PTPN13: variants seen among roughly 807,000 people sequenced by gnomAD.
PTPN13 encodes protein tyrosine phosphatase non-receptor type 13.
In PTPN13, 191 loss-of-function variants were observed where a neutral mutation model predicts 284.0. The observed-to-expected ratio is 0.67, with a 90% CI of 0.60 to 0.76. The LOEUF is 0.76. PTPN13 is among the 30% of genes least tolerant of loss of function. PTPN13 has a pLI of 0.00. For synonymous variants in PTPN13, 986 were observed against 1,022.3 expected (o/e 0.96, Z 0.68); for missense variants, 2,797 against 2,939.9 (o/e 0.95, Z 1.12).
intron 26 of PTPN13, among the ~76,000 whole-genome samples, chr4:86,765,921 G>A (rs543012665): frequency 1.3e-5 from 2 of 152,010 alleles, no homozygotes; most frequent in South Asian, 4.2e-4. Flanking sequence ...TCCGCCTCCT[G>A]GGTTCAAATG....
chr4:86,784,698 A>G, intron 38 of PTPN13, 140 bp downstream of exon 38: 1 of 615,168 alleles, frequency 1.6e-6, no homozygotes, highest in Non-Finnish European at 2.8e-6. Context: ...AATAAACAAA[A>G]GAACAATATA....
At chr4:86,693,947 T>G (rs1222734746) in intron 6 of PTPN13, among the ~76,000 whole-genome samples, 1 of 152,100 alleles carries the variant, frequency 6.6e-6, no homozygotes, top group Non-Finnish European at 1.5e-5. Context: ...TAATATTTAT[T>G]TACTTTATCG....
At chr4:86,768,156 A>G (rs986253377) in intron 28 of PTPN13, among the ~76,000 whole-genome samples, 180 bp downstream of exon 28, 4 of 152,224 alleles carry the variant, frequency 2.6e-5, no homozygotes, top group African/African-American at 9.6e-5. Flanking sequence ...TGCAGCTCAT[A>G]GGGTCTGAAA....
intron 7 of PTPN13, among the ~76,000 whole-genome samples, chr4:86,708,327 G>A (rs770174957): frequency 6.6e-6 from 1 of 151,928 alleles, no homozygotes; most frequent in Non-Finnish European, 1.5e-5. Context: ...GCAATAAATC[G>A]TTATTTAGTT....
intron 10 of PTPN13, among the ~76,000 whole-genome samples, chr4:86,726,419 A>C (rs556190824): frequency 4.0e-5 from 6 of 149,314 alleles, no homozygotes; most frequent in Admixed American, 3.4e-4. Context: ...CAGTATGGCC[A>C]TTTTCATGAT....
At chr4:86,710,918 A>G (rs1389134267) in intron 7 of PTPN13, among the ~76,000 whole-genome samples, 5 of 151,698 alleles carry the variant, frequency 3.3e-5, no homozygotes, top group African/African-American at 9.7e-5. Context: ...CCAAATCTTA[A>G]TTCTTTGTTT....
intron 1 of PTPN13, among the ~76,000 whole-genome samples, chr4:86,606,112 C>A (rs1490346982): frequency 6.6e-6 from 1 of 151,644 alleles, no homozygotes; most frequent in Non-Finnish European, 1.5e-5. Context: ...CTCAATAAGC[C>A]AACTATTGAT....
At chr4:86,771,043 A>C in intron 30 of PTPN13, 128 bp from the exon 31 acceptor site, 1 of 958,994 alleles carries the variant, frequency 1.0e-6, no homozygotes, top group East Asian at 2.7e-5. Context: ...TATTGAACAT[A>C]AATTACTTTT....
chr4:86,657,612 G>C (rs1726005378), intron 2 of PTPN13, among the ~76,000 whole-genome samples: 1 of 152,160 alleles, frequency 6.6e-6, no homozygotes, highest in Non-Finnish European at 1.5e-5. Flanking sequence ...CACAGTACTG[G>C]AGTTCACCAG....
At chr4:86,704,765 A>G (rs1247458274) in intron 7 of PTPN13, among the ~76,000 whole-genome samples, 1 of 152,200 alleles carries the variant, frequency 6.6e-6, no homozygotes, top group African/African-American at 2.4e-5. Context: ...ATTTGCTCTC[A>G]TGAAGAACCT....
intron 40 of PTPN13, among the ~76,000 whole-genome samples, chr4:86,791,471 CCT>C (rs1487873352): frequency 3.9e-5 from 6 of 152,198 alleles, no homozygotes; most frequent in Admixed American, 3.9e-4. Flanking sequence ...CTTAAATGTC[CCT>C]GTCTGACAAC....
chr4:86,799,781 T>C (rs1368486274), intron 42 of PTPN13, among the ~76,000 whole-genome samples: 1 of 151,040 alleles, frequency 6.6e-6, no homozygotes, highest in East Asian at 1.9e-4. Flanking sequence ...AGTGGAAATA[T>C]GAAGTCATAA....
At chr4:86,639,335 C>G (rs2148746405) in intron 2 of PTPN13, among the ~76,000 whole-genome samples, 1 of 152,072 alleles carries the variant, frequency 6.6e-6, no homozygotes, top group African/African-American at 2.4e-5. Context: ...GGGTATATAC[C>G]CAAAGGACTA....
chr4:86,626,368 C>T (rs191814570), intron 1 of PTPN13, among the ~76,000 whole-genome samples: 108 of 152,258 alleles, frequency 7.1e-4, no homozygotes, highest in African/African-American at 2.5e-3. Flanking sequence ...ATTGCTCCAA[C>T]TGCAACAAAA....
chr4:86,735,763 A>G lies in PTPN13; in HGVS notation c.2304+17A>G. On this transcript the variant is annotated intron_variant, in intron 15 of 47. Coordinates refer to ENST00000411767, the MANE Select transcript of PTPN13 (RefSeq NM_080683.3). The stretch of plus-strand genomic sequence containing the variant: ...TTTTTAAAGGTAAGCATCCAAGATT[A>G]CAAATGATAAGCTTTGTATCTTTTC... 2 of 1,600,708 alleles carry G rather than the reference A, an allele frequency of 1.2e-6. No homozygotes were observed. The highest frequency in any genetic ancestry group is 1.7e-6 in the Non-Finnish European group (2 of 1,174,234).
At chr4:86,744,672 C>G (rs890721152) in intron 16 of PTPN13, among the ~76,000 whole-genome samples, 1 of 152,104 alleles carries the variant, frequency 6.6e-6, no homozygotes, top group African/African-American at 2.4e-5. Flanking sequence ...GTATTTAGTA[C>G]AGTAGTATGC....
At chr4:86,710,153 T>A (rs1732230071) in intron 7 of PTPN13, among the ~76,000 whole-genome samples, 1 of 152,218 alleles carries the variant, frequency 6.6e-6, no homozygotes, top group South Asian at 2.1e-4. Flanking sequence ...ATTACTGTGT[T>A]TCTCTGCTTT....
chr4:86,810,796 A>G (rs1745136681), intron 46 of PTPN13, among the ~76,000 whole-genome samples: 1 of 152,194 alleles, frequency 6.6e-6, no homozygotes, highest in African/African-American at 2.4e-5. Flanking sequence ...GGGGAAGATG[A>G]TTTCTTTTCT....
At chr4:86,679,422 G>T (rs1278757774) in intron 3 of PTPN13, among the ~76,000 whole-genome samples, 1 of 152,046 alleles carries the variant, frequency 6.6e-6, no homozygotes, top group African/African-American at 2.4e-5. Flanking sequence ...TCAAAGTCTG[G>T]TCCCTCCAAT....
Sources: allele counts gnomAD v4.1 joint callset (sites outside exome capture counted in the v4.1 genomes callset), GRCh38; gene constraint gnomAD v4.1.1; transcripts MANE v1.5; gene names NCBI Gene and HGNC (gene_info 2026-07-23, HGNC 2026-07-21).